The following DUOX2 variants were observed in gnomAD, a reference collection of about 807,000 sequenced individuals.
DUOX2 encodes the protein dual oxidase 2, also known as NADH/NADPH thyroid oxidase p138-tox.
A neutral mutation model predicts 183.3 loss-of-function variants in DUOX2; 185 were observed. The observed-to-expected ratio is 1.01, with a 90% CI of 0.90 to 1.14. The LOEUF (loss-of-function observed/expected upper bound fraction) is 1.14. Ranked by LOEUF, DUOX2 falls within the 50% of genes most tolerant of loss-of-function variation. The pLI, the probability that DUOX2 is intolerant of heterozygous loss-of-function variation, is 0.00. For synonymous variants in DUOX2, 788 were observed against 812.4 expected (o/e 0.97, Z 0.51); for missense variants, 1,999 against 2,022.9 (o/e 0.99, Z 0.23).
chr15:45,101,105 T>A (rs975489528), intron 22 of DUOX2, 100 bp downstream of exon 22: 36 of 1,104,150 alleles, frequency 3.3e-5, no homozygotes, highest in Non-Finnish European at 4.5e-5. Context: ...AAAGGGCAAA[T>A]GCCTGATTTT....
At chr15:45,095,181 G>A (rs1893868835) in intron 31 of DUOX2, 90 bp from the exon 32 acceptor site, 1 of 1,519,112 alleles carries the variant, frequency 6.6e-7, no homozygotes, top group Non-Finnish European at 8.8e-7. Context: ...GGAAGCCCCA[G>A]ACCACCTGCA....
chr15:45,104,701 TAGAC>T (rs1894170628), intron 18 of DUOX2, among the ~76,000 whole-genome samples: 1 of 152,194 alleles, frequency 6.6e-6, no homozygotes, highest in African/African-American at 2.4e-5. Context: ...GACATGGTGG[TAGAC>T]AGGCAGGAAG....
intron 12 of DUOX2, chr15:45,108,469 C>T (rs1894290253): frequency 1.7e-6 from 1 of 602,012 alleles, no homozygotes; most frequent in Non-Finnish European, 2.9e-6. Flanking sequence ...GCCTGCCTGA[C>T]CTCAATGATT....
chr15:45,094,447 G>T, intron 33 of DUOX2, 116 bp downstream of exon 33: 4 of 1,527,124 alleles, frequency 2.6e-6, no homozygotes, highest in Non-Finnish European at 3.6e-6. Context: ...CCTCATCCTG[G>T]GGCCAGGCAA....
intron 26 of DUOX2, chr15:45,099,013 CTTTTT>C: frequency 1.8e-5 from 4 of 224,808 alleles, no homozygotes; most frequent in Non-Finnish European, 2.6e-5. Context: ...CTATTTCTTT[CTTTTT>C]TTTTTTTTTT....
At chr15:45,098,268 T>C (rs184267417) in intron 26 of DUOX2, among the ~76,000 whole-genome samples, 13 of 152,366 alleles carry the variant, frequency 8.5e-5, no homozygotes, top group African/African-American at 2.2e-4. Flanking sequence ...TGTGTTATCC[T>C]GAACTCTCTT....
chr15:45,102,437 C>T (rs1252977665), intron 20 of DUOX2, among the ~76,000 whole-genome samples: 1 of 152,224 alleles, frequency 6.6e-6, no homozygotes, highest in Non-Finnish European at 1.5e-5. Context: ...CTTCCTTGTG[C>T]CAACACCCCG....
chr15:45,106,417 C>T, intron 16 of DUOX2, 90 bp from the exon 17 acceptor site: 1 of 1,589,890 alleles, frequency 6.3e-7, no homozygotes, highest in Non-Finnish European at 8.6e-7. Flanking sequence ...TGAGCAGGCG[C>T]CCTAAAGGTG....
intron 33 of DUOX2, 21 bp from the exon 34 acceptor site, chr15:45,094,293 G>C (rs921141109): frequency 6.2e-7 from 1 of 1,614,190 alleles, no homozygotes; most frequent in Non-Finnish European, 8.5e-7. Context: ...ATTGGAGAGA[G>C]AGAGGGGCCT....
At chr15:45,111,337 A>G in intron 6 of DUOX2, 47 bp downstream of exon 6, 1 of 1,409,738 alleles carries the variant, frequency 7.1e-7, no homozygotes. Context: ...GGGGGAGCCC[A>G]CACTCGCAGA....
In DUOX2 at chr15:45,094,605, G is replaced by T. The variant is rs1228427422; in HGVS notation, c.4482C>A (p.Pro1494=). 13 of 1,614,090 alleles carry T rather than the reference G, an allele frequency of 8.1e-6. No individual in the cohort carries two copies. The highest frequency in any genetic ancestry group is 1.0e-5 in the Non-Finnish European group (12 of 1,180,006). Residue 1494 remains proline (P), a synonymous_variant, in exon 33 of 34, where the codon CCC becomes CCA. Transcript: ENST00000389039. ...LRSITHFGRP[P]FEPFFNSLQE... ...GCAGGGAGTTGAAGAAGGGCTCGAA[G>T]GGGGGACGGCCAAAGTGGGTGATGG...
At chr15:45,105,306 T>C (rs768949086) in intron 18 of DUOX2, among the ~76,000 whole-genome samples, 1 of 152,224 alleles carries the variant, frequency 6.6e-6, no homozygotes, top group Admixed American at 6.5e-5. Context: ...ATTTCTAACA[T>C]GTTCCCAGGT....
At position 45,113,356 on chromosome 15, in the gene DUOX2, G is replaced by C. The variant is rs1413699524; in HGVS notation, c.56C>G (p.Ser19Cys). 1.3e-6 allele frequency: 2 copies of C among 1,564,434 alleles called. No homozygotes were observed. The highest frequency in any genetic ancestry group is 1.4e-5 in the African/African-American group (1 of 73,874). The change falls in exon 2 of 34, where the codon TCC becomes TGC. Residue 19 changes from serine to cysteine, a missense_variant. By Grantham distance (112) the Ser-to-Cys change is moderately radical. Coordinates refer to ENST00000389039, the MANE Select transcript of DUOX2 (RefSeq NM_001363711.2). Reference sequence around the variant, plus strand: ...CTGATACTTGCCCGATGGACCCAGGGATCCAGTCAGAAGAGCTCCCAGGAG... The same window carrying C: ...CTGATACTTGCCCGATGGACCCAGGCATCCAGTCAGAAGAGCTCCCAGGAG... ...LMLLGALLTG[S>C]LGPSGSQDAL...
In DUOX2 at chr15:45,107,329, C is replaced by A. The variant is rs1191676249; in HGVS notation, c.1693+16G>T. The A allele has an allele frequency of 6.2e-7, 1 of 1,613,412 alleles. No individual in the cohort carries two copies. Among genetic ancestry groups the A allele is most frequent in the African/African-American group, 1.3e-5 (1 of 74,930 alleles). On this transcript the variant is annotated intron_variant, in intron 14 of 33. Transcript: ENST00000389039. ...CTGGCCACTGTCACTCACTTGTGTT[C>A]TCCCACGGCACTCACCTTTATGCCA... is the stretch of plus-strand genomic sequence containing the variant.
Position 45,112,667 on chromosome 15 carries a change from T to A in DUOX2, c.212A>T (p.Gln71Leu). ...VPANYADGVY[Q>L]ALEEPQLPNP... ...GGGCAGCTGCGGCTCCTCCAGAGCC[T>A]GATACACACCGTCGGCGTAATTGGC... Residue 71 changes from glutamine (Q) to leucine (L), a missense_variant, in exon 4 of 34, where the codon CAG (glutamine) becomes CTG (leucine). By Grantham distance (113) the Gln-to-Leu change is moderately radical. Transcript: ENST00000389039. The A allele has an allele frequency of 6.2e-7, 1 of 1,612,844 alleles. No homozygotes were observed.
At chr15:45,103,571 CAACCAA>C (rs1894134060) in intron 20 of DUOX2, among the ~76,000 whole-genome samples, 1 of 152,196 alleles carries the variant, frequency 6.6e-6, no homozygotes, top group Admixed American at 6.5e-5. Flanking sequence ...AGCGGAGCAG[CAACCAA>C]GGTCATCCAT....
chr15:45,099,293 A>G (rs1020949124), intron 26 of DUOX2, 90 bp downstream of exon 26: 2 of 1,184,430 alleles, frequency 1.7e-6, no homozygotes, highest in African/African-American at 3.0e-5. Context: ...TACAGGCGTG[A>G]GCCACCGCGC....
Position 45,095,459 on chromosome 15 carries a change from C to A in DUOX2, c.4217G>T (p.Gly1406Val), listed in dbSNP as rs186747221. 7 of 1,614,204 alleles carry A rather than the reference C, an allele frequency of 4.3e-6. No homozygotes were observed. In the African/African-American group the frequency reaches 6.7e-5, roughly 15 times the overall value. ...LKDLVFKSSL[G>V]SQMLCKKIYF... ...CACCTTCTTACACAGCATTTGGCTG[C>A]CCAAGGATGACTTGAAGACCAGGTC... The change falls in exon 31 of 34, where the codon GGC (glycine) becomes GTC (valine). Residue 1406 changes from glycine to valine, a missense_variant. Around this residue, in one of 3 missense-constraint regions of DUOX2, gnomAD observed 1,628 missense variants for 1,608.6 expected, o/e 1.01. Transcript: ENST00000389039.
At chr15:45,095,307 C>T in intron 31 of DUOX2, 130 bp downstream of exon 31, 1 of 1,483,112 alleles carries the variant, frequency 6.7e-7, no homozygotes, top group Non-Finnish European at 9.4e-7. Flanking sequence ...GCATCTCAAC[C>T]ACTGGGTAAG....
Sources: gnomAD v4.1 joint callset for allele counts (sites outside exome capture counted in the v4.1 genomes callset) on GRCh38, gnomAD v4.1.1 for gene constraint, gnomAD v4.1.1 regional missense constraint, MANE v1.5 for transcripts, NCBI Gene and HGNC (gene_info 2026-07-23, HGNC 2026-07-21) for gene names.